The following NRXN3 variants were observed in gnomAD, a reference collection of about 807,000 sequenced individuals.
NRXN3 encodes the protein neurexin 3, also known as neurexin III.
In NRXN3, 32 loss-of-function variants were observed where a neutral mutation model predicts 137.6. That is an observed-to-expected ratio of 0.23 (90% CI 0.18 to 0.31). The LOEUF (loss-of-function observed/expected upper bound fraction) is 0.31, where lower values mean the gene tolerates loss of function less well. Among genes scored for constraint, NRXN3 ranks in the 10% least tolerant of loss-of-function variants. The probability of loss-of-function intolerance (pLI) is 1.00; values close to 1 mark genes in which losing one functional copy is unlikely to be tolerated. For synonymous variants in NRXN3, 798 were observed against 784.5 expected (o/e 1.02, Z -0.29); for missense variants, 1,574 against 2,062.5 (o/e 0.76, Z 4.59).
At chr14:79,664,699 T>G (rs1450051763) in intron 17 of NRXN3, among the ~76,000 whole-genome samples, 18 of 152,116 alleles carry the variant, frequency 1.2e-4, no homozygotes, top group Non-Finnish European at 2.9e-5. Flanking sequence ...AAATAATCCC[T>G]CAGCTTTCCC....
chr14:78,184,790 T>C (rs1460117023), intron 1 of NRXN3, among the ~76,000 whole-genome samples: 2 of 152,128 alleles, frequency 1.3e-5, no homozygotes, highest in Admixed American at 6.5e-5. Flanking sequence ...GAGCCGTGTC[T>C]GGAGCCTGGG....
intron 19 of NRXN3, among the ~76,000 whole-genome samples, chr14:79,771,614 T>A (rs2099078845): frequency 6.9e-6 from 1 of 143,920 alleles, no homozygotes; most frequent in African/African-American, 2.6e-5. Context: ...TAGGTATTGA[T>A]GGGACGTATC....
chr14:78,836,756 C>A (rs571691349), intron 10 of NRXN3, among the ~76,000 whole-genome samples: 17 of 152,022 alleles, frequency 1.1e-4, no homozygotes, highest in South Asian at 2.1e-4. Context: ...ATGTATAATC[C>A]ATGTTGAGAT....
At chr14:78,331,821 A>C (rs862334) in intron 4 of NRXN3, among the ~76,000 whole-genome samples, 93,989 of 152,044 alleles carry the variant, frequency 0.62, 29,912 homozygotes, top group Admixed American at 0.73. Context: ...TTGATTACTC[A>C]ATATAAAAAT....
chr14:79,099,593 T>G (rs1400312216), intron 15 of NRXN3, among the ~76,000 whole-genome samples: 2 of 152,198 alleles, frequency 1.3e-5, no homozygotes, highest in African/African-American at 4.8e-5. Context: ...CCACCTTTAT[T>G]TAGGATCATA....
At chr14:78,641,856 T>G (rs1007281027) in intron 4 of NRXN3, among the ~76,000 whole-genome samples, 1 of 152,250 alleles carries the variant, frequency 6.6e-6, no homozygotes, top group Non-Finnish European at 1.5e-5. Context: ...TGCATAGGCC[T>G]TTTCTTCCTC....
chr14:78,503,286 A>C (rs2095915196), intron 4 of NRXN3, among the ~76,000 whole-genome samples: 1 of 152,198 alleles, frequency 6.6e-6, no homozygotes, highest in South Asian at 2.1e-4. Flanking sequence ...TTGGTTGCTA[A>C]GAGGATGGTG....
chr14:78,926,889 TATATATATATA>T (rs1356931765), intron 10 of NRXN3, among the ~76,000 whole-genome samples: 3 of 17,814 alleles, frequency 1.7e-4, no homozygotes, highest in Non-Finnish European at 2.6e-4. Context: ...AATATATTTA[TATATATATATA>T]ATATATATAA....
chr14:78,790,234 T>C (rs970889115), intron 8 of NRXN3, among the ~76,000 whole-genome samples: 3 of 152,218 alleles, frequency 2.0e-5, no homozygotes, highest in Admixed American at 2.0e-4. Context: ...ATTCCATTTT[T>C]TTCTCTTTTG....
At chr14:78,514,453 C>CA (rs2096169883) in intron 4 of NRXN3, among the ~76,000 whole-genome samples, 1 of 152,042 alleles carries the variant, frequency 6.6e-6, no homozygotes, top group Admixed American at 6.6e-5. Context: ...CAGATGAGTA[C>CA]ATGAAGGTAG....
chr14:79,247,389 A>T (rs772141441), intron 15 of NRXN3: 38 of 152,154 alleles, frequency 2.5e-4, no homozygotes, highest in Non-Finnish European at 2.2e-4. Context: ...CAAAATATGC[A>T]TTGCCATACT....
chr14:79,695,705 T>C (rs2098733119), intron 18 of NRXN3, among the ~76,000 whole-genome samples: 1 of 151,484 alleles, frequency 6.6e-6, no homozygotes, highest in South Asian at 2.1e-4. Context: ...GCATATTACT[T>C]AGTATTATTA....
At chr14:79,285,602 C>T (rs1598308440) in intron 15 of NRXN3, among the ~76,000 whole-genome samples, 1 of 152,088 alleles carries the variant, frequency 6.6e-6, no homozygotes, top group Non-Finnish European at 1.5e-5. Context: ...ACTGTGTCCT[C>T]ATAGGGTCTC....
chr14:78,934,179 A>C (rs956872847), intron 10 of NRXN3, among the ~76,000 whole-genome samples: 4 of 151,618 alleles, frequency 2.6e-5, no homozygotes, highest in African/African-American at 7.3e-5. Context: ...AAAAAAAAAA[A>C]ACCCCAAAAC....
At chr14:79,127,369 G>C (rs1321171522) in intron 15 of NRXN3, among the ~76,000 whole-genome samples, 2 of 152,092 alleles carry the variant, frequency 1.3e-5, no homozygotes, top group South Asian at 4.1e-4. Flanking sequence ...GTAAGGAAGG[G>C]ATCCAGTTTC....
intron 15 of NRXN3, among the ~76,000 whole-genome samples, chr14:79,084,754 T>C (rs1285525100): frequency 6.6e-6 from 1 of 152,164 alleles, no homozygotes; most frequent in Non-Finnish European, 1.5e-5. Flanking sequence ...TTGATTTTTT[T>C]AAAAACAAAG....
At chr14:78,974,240 G>A (rs1482090823) in intron 14 of NRXN3, among the ~76,000 whole-genome samples, 2 of 152,136 alleles carry the variant, frequency 1.3e-5, no homozygotes, top group South Asian at 2.1e-4. Context: ...AGAGAAGGGG[G>A]CAGGACTCAA....
chr14:78,690,432 C>T (rs988917578), intron 6 of NRXN3, among the ~76,000 whole-genome samples: 24 of 152,152 alleles, frequency 1.6e-4, no homozygotes, highest in Non-Finnish European at 3.5e-4. Context: ...TGGAGTATCC[C>T]TTACATGATA....
chr14:79,552,094 T>C (rs908341144), intron 16 of NRXN3, among the ~76,000 whole-genome samples: 6 of 152,206 alleles, frequency 3.9e-5, no homozygotes, highest in African/African-American at 7.2e-5. Context: ...ATAAGAGTGC[T>C]TCAGTGCATG....
Sources: gnomAD v4.1 joint callset for allele counts (sites outside exome capture counted in the v4.1 genomes callset) on GRCh38, gnomAD v4.1.1 for gene constraint, MANE v1.5 for transcripts, NCBI Gene and HGNC (gene_info 2026-07-23, HGNC 2026-07-21) for gene names.